Variants in S100Z observed in about 807,000 individuals in gnomAD.
The protein encoded by S100Z is S100 calcium binding protein Z, also known as protein S100-Z.
S100Z carries 11 observed loss-of-function variants against 8.5 expected under a neutral mutation model. The ratio of observed to expected loss-of-function variants is 1.30; its 90% CI spans 0.82 to 2.15. The LOEUF (loss-of-function observed/expected upper bound fraction) is 2.15. Ranked by LOEUF, S100Z falls within the 30% of genes most tolerant of loss-of-function variation. The pLI is 0.00. For synonymous variants in S100Z, 34 were observed against 43.8 expected, an observed-to-expected ratio of 0.78 and a Z score of 0.89; for missense variants, 126 against 117.9, an observed-to-expected ratio of 1.07 and a Z score of -0.32.
At chr5:76,910,494 G>A (rs958383442) in intron 4 of S100Z, among the ~76,000 whole-genome samples, 15 of 152,272 alleles carry the variant, frequency 9.9e-5, no homozygotes, top group East Asian at 7.7e-4. Flanking sequence ...AACAGAGCAG[G>A]CCAATCACCC....
intron 4 of S100Z, among the ~76,000 whole-genome samples, chr5:76,884,289 A>G (rs1349117303): frequency 6.6e-6 from 1 of 152,092 alleles, no homozygotes; most frequent in Non-Finnish European, 1.5e-5. Context: ...AAGCCCTTTA[A>G]CTAGGCAGGA....
chr5:76,944,288 A>G, the S100Z span, among the ~76,000 whole-genome samples: 5 of 152,200 alleles, frequency 3.3e-5, no homozygotes, highest in Non-Finnish European at 7.3e-5. Context: ...CTAGGTGGAA[A>G]TAAAAGCTCC....
chr5:76,924,506 G>T (rs1310933561), downstream of S100Z, among the ~76,000 whole-genome samples: 2 of 152,072 alleles, frequency 1.3e-5, no homozygotes, highest in Non-Finnish European at 2.9e-5. Context: ...GAGAACCCCT[G>T]GTCCTCAGGA....
intron 4 of S100Z, among the ~76,000 whole-genome samples, chr5:76,883,865 A>T (rs916555710): frequency 2.6e-5 from 4 of 152,016 alleles, no homozygotes; most frequent in African/African-American, 9.7e-5. Flanking sequence ...CTGGGGAAGG[A>T]GTTTCTGGAG....
intron 4 of S100Z, among the ~76,000 whole-genome samples, chr5:76,891,160 G>A (rs1305936002): frequency 6.6e-6 from 1 of 152,198 alleles, no homozygotes; most frequent in Non-Finnish European, 1.5e-5. Flanking sequence ...ACCATGCCCG[G>A]CCCCCAGTTT....
chr5:76,852,270 T>C (rs892012299), intron 1 of S100Z, among the ~76,000 whole-genome samples: 1 of 152,046 alleles, frequency 6.6e-6, no homozygotes, highest in Non-Finnish European at 1.5e-5. Flanking sequence ...TTCTATCAAA[T>C]GTAATAAAAA....
At chr5:76,936,022 C>T in the S100Z span, among the ~76,000 whole-genome samples, 1 of 152,082 alleles carries the variant, frequency 6.6e-6, no homozygotes, top group African/African-American at 2.4e-5. Flanking sequence ...GGTGATCTGC[C>T]CACCTCGGCG....
intron 1 of S100Z, among the ~76,000 whole-genome samples, chr5:76,868,312 T>C (rs547718055): frequency 6.6e-6 from 1 of 151,718 alleles, no homozygotes; most frequent in South Asian, 2.1e-4. Flanking sequence ...CCAAAGGATA[T>C]ATTTAGCTCT....
the S100Z span, among the ~76,000 whole-genome samples, chr5:76,945,236 A>ATGCAC: frequency 1.3e-5 from 2 of 152,212 alleles, no homozygotes; most frequent in Non-Finnish European, 2.9e-5. Flanking sequence ...CAGGGGCACA[A>ATGCAC]TGCACTGCGG....
chr5:76,870,741 A>T (rs996598720), intron 2 of S100Z, among the ~76,000 whole-genome samples: 6 of 152,110 alleles, frequency 3.9e-5, no homozygotes, highest in African/African-American at 1.4e-4. Context: ...CAAGAAATAT[A>T]ATCTTGGGAG....
At chr5:76,864,492 C>T (rs1211615310) in intron 1 of S100Z, among the ~76,000 whole-genome samples, 7 of 137,088 alleles carry the variant, frequency 5.1e-5, no homozygotes, top group Non-Finnish European at 1.1e-4. Context: ...ACCTCTGCCT[C>T]CTGGGCTCAA....
intron 1 of S100Z, among the ~76,000 whole-genome samples, chr5:76,855,167 A>ACGT (rs1750848357): frequency 6.6e-6 from 1 of 152,204 alleles, no homozygotes; most frequent in African/African-American, 2.4e-5. Context: ...TTCATAGAGA[A>ACGT]CGTCTGCAAA....
intron 4 of S100Z, among the ~76,000 whole-genome samples, chr5:76,890,739 G>C (rs1012200265): frequency 6.6e-6 from 1 of 152,238 alleles, no homozygotes; most frequent in Non-Finnish European, 1.5e-5. Flanking sequence ...CCAAGGGCAT[G>C]AGATGGAGCT....
chr5:76,913,712 G>A (rs374130830), intron 4 of S100Z, among the ~76,000 whole-genome samples: 17 of 152,224 alleles, frequency 1.1e-4, no homozygotes, highest in African/African-American at 4.1e-4. Context: ...TAGACTCTTC[G>A]GCGGCAGTGA....
chr5:76,908,534 C>T (rs1329563390), intron 4 of S100Z, among the ~76,000 whole-genome samples: 2 of 152,196 alleles, frequency 1.3e-5, no homozygotes, highest in Non-Finnish European at 2.9e-5. Flanking sequence ...CTGTTACCTC[C>T]TTTTGGCACC....
At chr5:76,899,594 C>T (rs1445444093) in intron 4 of S100Z, among the ~76,000 whole-genome samples, 3 of 152,096 alleles carry the variant, frequency 2.0e-5, no homozygotes, top group African/African-American at 4.8e-5. Flanking sequence ...GATAACAACA[C>T]TATTTGTATA....
intron 1 of S100Z, among the ~76,000 whole-genome samples, chr5:76,868,085 A>G (rs909712144): frequency 6.6e-6 from 1 of 152,084 alleles, no homozygotes; most frequent in African/African-American, 2.4e-5. Flanking sequence ...ATTTCATGTC[A>G]CCCGTAAATT....
chr5:76,912,855 A>T (rs1744716289), intron 4 of S100Z, among the ~76,000 whole-genome samples: 1 of 150,422 alleles, frequency 6.6e-6, no homozygotes, highest in African/African-American at 2.5e-5. Flanking sequence ...AGAGAGAGAG[A>T]GGAAGAGACA....
intron 4 of S100Z, among the ~76,000 whole-genome samples, chr5:76,888,527 C>T (rs374663835): frequency 1.3e-4 from 20 of 151,528 alleles, no homozygotes; most frequent in African/African-American, 4.8e-4. Context: ...AGGCACTCGC[C>T]ACCATGCCCT....
Sources: allele counts gnomAD v4.1 joint callset (sites outside exome capture counted in the v4.1 genomes callset), GRCh38; gene constraint gnomAD v4.1.1; transcripts MANE v1.5; gene names NCBI Gene and HGNC (gene_info 2026-07-23, HGNC 2026-07-21).